Variants in ST8SIA1 observed in about 807,000 individuals in gnomAD.
The protein encoded by ST8SIA1 is ST8 alpha-N-acetyl-neuraminide alpha-2,8-sialyltransferase 1.
Under a neutral mutation model 35.9 loss-of-function variants are expected in ST8SIA1, and 16 were observed. That is an observed-to-expected ratio of 0.45 (90% CI 0.30 to 0.68). The LOEUF (loss-of-function observed/expected upper bound fraction) is 0.68. Among genes scored for constraint, ST8SIA1 ranks in the 30% least tolerant of loss-of-function variants. The pLI is 0.09. For synonymous variants in ST8SIA1, 170 were observed against 169.6 expected, an observed-to-expected ratio of 1.00 and a Z score of -0.02; for missense variants, 383 against 453.6, an observed-to-expected ratio of 0.84 and a Z score of 1.41.
At chr12:22,222,315 A>G (rs1040816153) in intron 4 of ST8SIA1, among the ~76,000 whole-genome samples, 2 of 152,194 alleles carry the variant, frequency 1.3e-5, no homozygotes, top group East Asian at 1.9e-4. Context: ...TGGTCCAAAC[A>G]TGTTCAGCAA....
chr12:22,221,770 A>T (rs1865302816), intron 4 of ST8SIA1, among the ~76,000 whole-genome samples: 1 of 152,234 alleles, frequency 6.6e-6, no homozygotes, highest in African/African-American at 2.4e-5. Flanking sequence ...CTTTTAAAAT[A>T]AACCTTTTCC....
chr12:22,208,206 C>T (rs74770428), intron 4 of ST8SIA1, among the ~76,000 whole-genome samples: 4,694 of 150,462 alleles, frequency 0.031, 203 homozygotes, highest in South Asian at 0.15. Flanking sequence ...ACTGTCTGAT[C>T]GAAAATGTAA....
intron 1 of ST8SIA1, among the ~76,000 whole-genome samples, chr12:22,311,587 C>A (rs1461532461): frequency 6.6e-6 from 1 of 152,064 alleles, no homozygotes. Context: ...GATGTCCTTT[C>A]TACTTTTTAA....
chr12:22,237,689 A>G (rs1865491347), intron 4 of ST8SIA1, among the ~76,000 whole-genome samples: 1 of 151,682 alleles, frequency 6.6e-6, no homozygotes, highest in Non-Finnish European at 1.5e-5. Context: ...AGGTTTGGAG[A>G]TACCATTTTA....
chr12:22,334,465 T>A lies in ST8SIA1; in HGVS notation c.-233A>T. 2 of 580,904 alleles carry A rather than the reference T, an allele frequency of 3.4e-6. No homozygotes were observed. The highest frequency in any genetic ancestry group is 6.1e-6 in the Non-Finnish European group (2 of 325,326). 36.0% of individuals were successfully genotyped at this position (580,904 alleles called of 1,614,324 possible). A position where few individuals can be genotyped will look rare whatever the true frequency, so the allele number is the denominator to read the frequency against. Reference sequence around the variant, plus strand: ...CTAGGGGAAGTGGCTGGGGGTGAAGTCACGATCTATGGCCATGGTCGCTTC... The same window carrying A: ...CTAGGGGAAGTGGCTGGGGGTGAAGACACGATCTATGGCCATGGTCGCTTC... On this transcript the variant is annotated 5_prime_UTR_variant, in exon 1 of 5. Coordinates refer to ENST00000396037, the MANE Select transcript of ST8SIA1 (RefSeq NM_003034.4).
chr12:22,333,441 T>C (rs965230911), intron 1 of ST8SIA1, among the ~76,000 whole-genome samples: 4 of 152,230 alleles, frequency 2.6e-5, no homozygotes, highest in Non-Finnish European at 5.9e-5. Context: ...AACACAAAAA[T>C]TGCACAGTAT....
chr12:22,325,210 T>C (rs573874181), intron 1 of ST8SIA1: 121 of 465,886 alleles, frequency 2.6e-4, no homozygotes, highest in African/African-American at 2.3e-3. Context: ...TAAAATCATG[T>C]ACTATATATG....
At position 22,193,959 on chromosome 12, in the gene ST8SIA1, C is replaced by T. The variant is rs536535304; in HGVS notation, c.*7593G>A. On this transcript the variant is annotated 3_prime_UTR_variant, in exon 5 of 5. Coordinates refer to ENST00000396037, the MANE Select transcript of ST8SIA1 (RefSeq NM_003034.4). The stretch of plus-strand genomic sequence containing the variant: ...ACATGTGGAATAATATTAAAATGTG[C>T]CATAATAGAATTAAAGAGACCAAAA... 120 of 152,190 alleles carry T rather than the reference C, an allele frequency of 7.9e-4. No homozygotes were observed. The highest frequency in any genetic ancestry group is 1.7e-3 in the Admixed American group (26 of 15,282). 9.4% of individuals were successfully genotyped at this position (152,190 alleles called of 1,614,324 possible). A position where few individuals can be genotyped will look rare whatever the true frequency, so the allele number is the denominator to read the frequency against.
chr12:22,203,099 G>T (rs1164689205), intron 4 of ST8SIA1, among the ~76,000 whole-genome samples: 1 of 152,154 alleles, frequency 6.6e-6, no homozygotes, highest in East Asian at 1.9e-4. Flanking sequence ...TAAAAAAAAG[G>T]TACTCTAATA....
At chr12:22,292,523 T>G (rs1240005768) in intron 1 of ST8SIA1, among the ~76,000 whole-genome samples, 1 of 152,106 alleles carries the variant, frequency 6.6e-6, no homozygotes, top group African/African-American at 2.4e-5. Context: ...AACAGTGGAT[T>G]GGATAAACAA....
chr12:22,271,007 C>T (rs1014799010), intron 2 of ST8SIA1, among the ~76,000 whole-genome samples: 2 of 152,176 alleles, frequency 1.3e-5, no homozygotes, highest in African/African-American at 2.4e-5. Flanking sequence ...ATGTCACTTG[C>T]AATCGTGGTA....
intron 4 of ST8SIA1, among the ~76,000 whole-genome samples, chr12:22,232,550 T>A (rs1179313884): frequency 6.6e-6 from 1 of 152,158 alleles, no homozygotes; most frequent in Non-Finnish European, 1.5e-5. Context: ...TCCAAATAGA[T>A]TAGCCAAGCT....
At position 22,320,949 on chromosome 12, in the gene ST8SIA1, GAAAGAAAGAGAAAGAA is replaced by G. The variant is rs1158858200; in HGVS notation, c.236+13032_236+13047del. On this transcript the variant is annotated intron_variant, in intron 1 of 4. Transcript: ENST00000396037. ...AGGAAGAAAGAAAGAAAGAAAGAAA[GAAAGAAAGAGAAAGAA>G]AGAAAGAAAGAAAGAAAGAAAGAAA... 5.0e-4 allele frequency among the ~76,000 whole-genome samples: 37 copies of G among 73,740 alleles called. 1 individual carries two copies. The South Asian group carries it at 8.2e-3, about 16-fold the overall frequency. 48.4% of individuals were successfully genotyped at this position (73,740 alleles called of 152,430 possible).
intron 4 of ST8SIA1, among the ~76,000 whole-genome samples, chr12:22,203,201 GAGAA>G (rs1291336058): frequency 6.6e-6 from 1 of 152,102 alleles, no homozygotes; most frequent in East Asian, 1.9e-4. Context: ...AAGAGAGAGA[GAGAA>G]AGAGAGGGAG....
chr12:22,231,813 T>A (rs1865425250), intron 4 of ST8SIA1, among the ~76,000 whole-genome samples: 1 of 152,142 alleles, frequency 6.6e-6, no homozygotes, highest in East Asian at 1.9e-4. Context: ...GACCTCATGA[T>A]CCGCCTGCCT....
At chr12:22,253,814 A>G (rs1314592177) in intron 3 of ST8SIA1, among the ~76,000 whole-genome samples, 1 of 152,186 alleles carries the variant, frequency 6.6e-6, no homozygotes, top group Non-Finnish European at 1.5e-5. Context: ...AGAAGGATCT[A>G]GACTCTCCTG....
At chr12:22,235,075 G>GGAAACTTCGGTTAAAAA (rs1269750739) in intron 4 of ST8SIA1, among the ~76,000 whole-genome samples, 1 of 152,172 alleles carries the variant, frequency 6.6e-6, no homozygotes, top group Non-Finnish European at 1.5e-5. Flanking sequence ...TGCGCAGGGT[G>GGAAACTTCGGTTAAAAA]TGTGTGTCCA....
rs1348160685 is a variant in ST8SIA1 at position 22,198,371 on chromosome 12, T to C, written c.*3181A>G. The C allele has an allele frequency of 1.3e-5, 2 of 152,102 alleles. No homozygotes were observed. Among genetic ancestry groups the C allele is most frequent in the Non-Finnish European group, 2.9e-5 (2 of 68,016 alleles). The allele number at this position is 152,102 out of a possible 1,614,324, so 9.4% of individuals were successfully genotyped here. A position where few individuals can be genotyped will look rare whatever the true frequency, so the allele number is the denominator to read the frequency against. Reference sequence around the variant, plus strand: ...GTACCAGGCCTAATTCTGAAGGTCTTAATTTCAGATAAACAAAGAAAGATA... The same window carrying C: ...GTACCAGGCCTAATTCTGAAGGTCTCAATTTCAGATAAACAAAGAAAGATA... On this transcript the variant is annotated 3_prime_UTR_variant, in exon 5 of 5. Transcript: ENST00000396037.
rs372848703 is a variant in ST8SIA1, at chr12:22,303,903, C to A, written c.237-16610G>T. ...ACACACACACAAAAGTGGTGTGGTA[C>A]AGGGAGAAAAACGAACAGCAAAAAA... On this transcript the variant is annotated intron_variant, in intron 1 of 4. Transcript: ENST00000396037. Among the ~76,000 whole-genome samples, 9 of 148,368 alleles carry A rather than the reference C, an allele frequency of 6.1e-5. No individual in the cohort carries two copies. The East Asian group carries it at 1.8e-3, about 29-fold the overall frequency.
Sources: gnomAD v4.1 joint callset for allele counts (sites outside exome capture counted in the v4.1 genomes callset) on GRCh38, gnomAD v4.1.1 for gene constraint, MANE v1.5 for transcripts, NCBI Gene and HGNC (gene_info 2026-07-23, HGNC 2026-07-21) for gene names.